Variants in ZSWIM5 observed in about 807,000 individuals in gnomAD.
The protein encoded by ZSWIM5 is zinc finger SWIM domain-containing protein 5.
ZSWIM5 carries 55 observed loss-of-function variants against 119.6 expected under a neutral mutation model. The observed-to-expected ratio is 0.46, with a 90% CI of 0.37 to 0.58. The LOEUF (loss-of-function observed/expected upper bound fraction) is 0.58, where lower values mean the gene tolerates loss of function less well. Among genes scored for constraint, ZSWIM5 ranks in the 20% least tolerant of loss-of-function variants. The pLI is 0.00. For missense variants in ZSWIM5, 1,193 were observed against 1,512.8 expected (o/e 0.79, Z 3.51); for synonymous variants, 537 against 606.9 (o/e 0.88, Z 1.69).
chr1:45,118,226 CCAGA>C (rs1422961173), intron 1 of ZSWIM5, among the ~76,000 whole-genome samples: 4 of 152,136 alleles, frequency 2.6e-5, no homozygotes, highest in Non-Finnish European at 5.9e-5. Context: ...ACACGCATTG[CCAGA>C]CAATCATTAA....
At chr1:45,096,511 A>G (rs1333497385) in intron 1 of ZSWIM5, among the ~76,000 whole-genome samples, 1 of 142,114 alleles carries the variant, frequency 7.0e-6, no homozygotes, top group Non-Finnish European at 1.5e-5. Context: ...ACAATCAGGC[A>G]GCTGCTTGCC....
Position 45,048,074 on chromosome 1 carries a change from TC to T in ZSWIM5, c.1432+2999del, listed in dbSNP as rs1237521298. ...CTTTCTTTCTTTCTTTCTTTCCTTT[TC>T]TTTTCTCTTTTTTTTTTTTTTTTTT... On this transcript the variant is annotated intron_variant, in intron 5 of 13. Transcript: ENST00000359600. Among the ~76,000 whole-genome samples the T allele has an allele frequency of 8.1e-3, 198 of 24,358 alleles. 8 individuals are homozygous for T. The highest frequency in any genetic ancestry group is 0.032 in the African/African-American group (181 of 5,710). The allele number at this position is 24,358 out of a possible 152,430, so 16.0% of individuals were successfully genotyped here.
chr1:45,089,254 T>A (rs1645349516), intron 1 of ZSWIM5, among the ~76,000 whole-genome samples: 1 of 152,190 alleles, frequency 6.6e-6, no homozygotes, highest in Admixed American at 6.5e-5. Context: ...AGTGCTGGGA[T>A]TACAGGCGTG....
intron 1 of ZSWIM5, among the ~76,000 whole-genome samples, chr1:45,090,799 G>A (rs1261779617): frequency 1.3e-5 from 2 of 151,740 alleles, no homozygotes; most frequent in Non-Finnish European, 2.9e-5. Context: ...ACTCTAGCCT[G>A]GGACACGGGG....
rs1645853892 is a variant in ZSWIM5 at position 45,160,024 on chromosome 1, C to A, written c.595+45732G>T. Among the ~76,000 whole-genome samples, 5 of 152,232 alleles carry A rather than the reference C, an allele frequency of 3.3e-5. No individual in the cohort carries two copies. The South Asian group carries it at 1.0e-3, about 32-fold the overall frequency. On this transcript the variant is annotated intron_variant, in intron 1 of 13. Coordinates refer to ENST00000359600, the MANE Select transcript of ZSWIM5 (RefSeq NM_020883.2). ...TTCATTTAAGTTTTAATTTCTAATACAGTAAATATGAATAGGTGTGACTCA... is the reference window on the plus strand; with the variant it reads ...TTCATTTAAGTTTTAATTTCTAATAAAGTAAATATGAATAGGTGTGACTCA...
chr1:45,181,181 C>T (rs534557531), intron 1 of ZSWIM5, among the ~76,000 whole-genome samples: 2 of 152,058 alleles, frequency 1.3e-5, no homozygotes, highest in South Asian at 4.2e-4. Context: ...AGTTGAAAAC[C>T]TTGAAAAAAA....
At chr1:45,045,030 A>G (rs1645045807) in intron 5 of ZSWIM5, among the ~76,000 whole-genome samples, 1 of 86,056 alleles carries the variant, frequency 1.2e-5, no homozygotes, top group African/African-American at 4.6e-5. Flanking sequence ...AACTGATGCT[A>G]ATAAAAGACA....
intron 1 of ZSWIM5, among the ~76,000 whole-genome samples, chr1:45,163,413 T>A (rs1247962066): frequency 6.6e-6 from 1 of 152,154 alleles, no homozygotes; most frequent in Non-Finnish European, 1.5e-5. Flanking sequence ...TCAGAGTGCC[T>A]CTTCTCCTTC....
In ZSWIM5 at chr1:45,020,686, G is replaced by T. The variant is rs1392738483; in HGVS notation, c.2552C>A (p.Thr851Asn). The change falls in exon 12 of 14, where the codon ACT becomes AAT. Residue 851 changes from threonine to asparagine, a missense_variant. Physicochemically the swap from Thr to Asn is moderately conservative, Grantham distance 65. Around this residue, in one of 2 missense-constraint regions of ZSWIM5, gnomAD observed 961 missense variants for 1,290.0 expected, o/e 0.74. Transcript: ENST00000359600. ...KLAQDAFKIA[T>N]PTDSSTDSTL... ...GCTGTCAGTACTACTGTCGGTGGGAGTAGCAATCTTGAATGCATCTTGGGC... is the reference window on the plus strand; with the variant it reads ...GCTGTCAGTACTACTGTCGGTGGGATTAGCAATCTTGAATGCATCTTGGGC... The T allele has an allele frequency of 6.2e-7, 1 of 1,614,076 alleles. No individual in the cohort carries two copies. Among genetic ancestry groups the T allele is most frequent in the Non-Finnish European group, 8.5e-7 (1 of 1,180,030 alleles).
At chr1:45,205,076 C>G (rs1646179245) in intron 1 of ZSWIM5, among the ~76,000 whole-genome samples, 1 of 151,420 alleles carries the variant, frequency 6.6e-6, no homozygotes, top group East Asian at 1.9e-4. Flanking sequence ...TTGATTTACC[C>G]CAGTCTGACA....
chr1:45,024,382 G>T (rs1315015692), intron 11 of ZSWIM5, among the ~76,000 whole-genome samples: 1 of 151,610 alleles, frequency 6.6e-6, no homozygotes, highest in African/African-American at 2.4e-5. Context: ...ATTAGAGACA[G>T]GGTTTCACCA....
At chr1:45,130,275 T>C (rs1251460571) in intron 1 of ZSWIM5, among the ~76,000 whole-genome samples, 1 of 152,006 alleles carries the variant, frequency 6.6e-6, no homozygotes, top group African/African-American at 2.4e-5. Context: ...ATTAATAGGA[T>C]GAAAGGACAA....
At chr1:45,042,495 GA>G (rs1172252871) in intron 6 of ZSWIM5, among the ~76,000 whole-genome samples, 1 of 152,184 alleles carries the variant, frequency 6.6e-6, no homozygotes, top group South Asian at 2.1e-4. Flanking sequence ...TCAAGAGAGA[GA>G]GGGGCATATC....
chr1:45,170,349 G>A (rs929451751), intron 1 of ZSWIM5, among the ~76,000 whole-genome samples: 1 of 151,608 alleles, frequency 6.6e-6, no homozygotes, highest in Admixed American at 6.6e-5. Flanking sequence ...AAAGCCCTAA[G>A]AAGAGGTAAC....
intron 1 of ZSWIM5, among the ~76,000 whole-genome samples, chr1:45,099,058 C>A (rs569907632): frequency 6.6e-6 from 1 of 152,256 alleles, no homozygotes; most frequent in Admixed American, 6.5e-5. Flanking sequence ...CAGAGCAGAA[C>A]TGAAGGAGAC....
intron 1 of ZSWIM5, among the ~76,000 whole-genome samples, chr1:45,117,882 G>T (rs181185290): frequency 6.6e-6 from 1 of 152,142 alleles, no homozygotes; most frequent in Non-Finnish European, 1.5e-5. Context: ...GAAAAAGCAG[G>T]TGTCAATCAT....
In ZSWIM5 at chr1:45,030,679, T is replaced by C. The variant is rs141600902; in HGVS notation, c.2449+3633A>G. Among the ~76,000 whole-genome samples the C allele has an allele frequency of 4.2e-3, 647 of 152,364 alleles. 5 individuals are homozygous for C. Among genetic ancestry groups the C allele is most frequent in the African/African-American group, 0.015 (619 of 41,596 alleles). On this transcript the variant is annotated intron_variant, in intron 11 of 13. Transcript: ENST00000359600. Reference sequence around the variant, plus strand: ...TCTCCTATTACCATTTTGATGTCTTTAGAATCTGTAGTGATATCACCTTTC... The same window carrying C: ...TCTCCTATTACCATTTTGATGTCTTCAGAATCTGTAGTGATATCACCTTTC...
intron 1 of ZSWIM5, among the ~76,000 whole-genome samples, chr1:45,101,945 C>T (rs772948870): frequency 5.3e-5 from 8 of 151,652 alleles, no homozygotes; most frequent in Non-Finnish European, 1.2e-4. Context: ...ATGTAAATGA[C>T]GAGTTAATGA....
chr1:45,178,102 C>T (rs1179787667), intron 1 of ZSWIM5, among the ~76,000 whole-genome samples: 2 of 151,994 alleles, frequency 1.3e-5, no homozygotes, highest in Non-Finnish European at 2.9e-5. Context: ...CAAAACCCCA[C>T]GGATAGCAAG....
Sources: allele counts gnomAD v4.1 joint callset (sites outside exome capture counted in the v4.1 genomes callset), GRCh38; gene constraint gnomAD v4.1.1; regional missense constraint gnomAD v4.1.1; transcripts MANE v1.5; gene names NCBI Gene and HGNC (gene_info 2026-07-23, HGNC 2026-07-21).